Variants in RBFOX1 observed in about 807,000 individuals in gnomAD.
RBFOX1 encodes RNA binding fox-1 homolog 1.
A neutral mutation model predicts 57.7 loss-of-function variants in RBFOX1; 8 were observed. The ratio of observed to expected loss-of-function variants is 0.14; its 90% CI spans 0.08 to 0.25. The LOEUF is 0.25. RBFOX1 is among the 10% of genes least tolerant of loss of function. The pLI is 1.00. For missense variants in RBFOX1, 611 were observed against 548.5 expected, an observed-to-expected ratio of 1.11 and a Z score of -1.14; for synonymous variants, 326 against 222.4, an observed-to-expected ratio of 1.47 and a Z score of -4.15.
At chr16:7,276,178 C>G (rs1027706539) in intron 4 of RBFOX1, among the ~76,000 whole-genome samples, 1 of 152,206 alleles carries the variant, frequency 6.6e-6, no homozygotes, top group South Asian at 2.1e-4. Context: ...AGGACCATGC[C>G]AAGTCTGAAG....
chr16:7,652,056 A>T (rs1324873138), intron 11 of RBFOX1, among the ~76,000 whole-genome samples: 1 of 151,960 alleles, frequency 6.6e-6, no homozygotes. Context: ...AGTGTTGGTT[A>T]TCAGGGGACA....
intron 3 of RBFOX1, among the ~76,000 whole-genome samples, chr16:6,972,183 A>G (rs2085716609): frequency 6.7e-6 from 1 of 150,132 alleles, no homozygotes; most frequent in South Asian, 2.2e-4. Flanking sequence ...TTGTTGTGAT[A>G]GAGATCACGA....
chr16:7,222,160 C>G (rs1011027069), intron 4 of RBFOX1, among the ~76,000 whole-genome samples: 1 of 151,110 alleles, frequency 6.6e-6, no homozygotes, highest in South Asian at 2.1e-4. Context: ...AAAGCCCAGC[C>G]TGAAGTAAGA....
chr16:7,144,997 C>T (rs1307853538), intron 4 of RBFOX1, among the ~76,000 whole-genome samples: 1 of 152,080 alleles, frequency 6.6e-6, no homozygotes, highest in Non-Finnish European at 1.5e-5. Flanking sequence ...TGAAACAGGT[C>T]AGCTGACGTT....
intron 14 of RBFOX1, among the ~76,000 whole-genome samples, chr16:7,703,439 T>TCA (rs1289346412): frequency 2.0e-5 from 3 of 150,574 alleles, no homozygotes; most frequent in Non-Finnish European, 4.4e-5. Flanking sequence ...TCCACAGGAT[T>TCA]CACCCAGCTA....
At chr16:6,116,768 C>G (rs57295958) in intron 1 of RBFOX1, among the ~76,000 whole-genome samples, 32 of 152,186 alleles carry the variant, frequency 2.1e-4, no homozygotes, top group African/African-American at 7.5e-4. Flanking sequence ...AAACAGAACT[C>G]CCGTGAATAA....
chr16:6,301,072 G>A lies in RBFOX1; in HGVS notation c.-126-15923G>A, dbSNP rs186880640. 4.0e-4 allele frequency among the ~76,000 whole-genome samples: 60 copies of A among 151,742 alleles called. No individual in the cohort carries two copies. In the East Asian group the frequency reaches 0.011, roughly 27 times the overall value. ...GAAAAACATTTATTTCCTATGAGTT[G>A]TCATTGAAAAAAAAATCCTTGAGGA... On this transcript the variant is annotated intron_variant, in intron 1 of 15. Transcript: ENST00000550418.
chr16:6,509,125 C>G (rs374642944), intron 2 of RBFOX1, among the ~76,000 whole-genome samples: 2 of 152,124 alleles, frequency 1.3e-5, no homozygotes, highest in Admixed American at 6.5e-5. Flanking sequence ...GTTGTGCTTT[C>G]TTTTGTCTTA....
chr16:5,933,115 A>G (rs934418068), intron 4 of RBFOX1, among the ~76,000 whole-genome samples: 1 of 152,214 alleles, frequency 6.6e-6, no homozygotes, highest in African/African-American at 2.4e-5. Context: ...CTTCTTCTTC[A>G]AATGGAAACT....
At chr16:6,378,666 C>T (rs1215022205) in intron 2 of RBFOX1, among the ~76,000 whole-genome samples, 2 of 152,180 alleles carry the variant, frequency 1.3e-5, no homozygotes, top group Non-Finnish European at 2.9e-5. Flanking sequence ...TCCCAGAGCT[C>T]ATCTCAAATG....
intron 4 of RBFOX1, among the ~76,000 whole-genome samples, chr16:7,056,639 G>C (rs528301811): frequency 6.6e-6 from 1 of 152,298 alleles, no homozygotes; most frequent in Non-Finnish European, 1.5e-5. Context: ...GAGGGAGATT[G>C]TATGTTCATA....
intron 4 of RBFOX1, among the ~76,000 whole-genome samples, chr16:5,973,791 G>C (rs1179225022): frequency 1.3e-5 from 2 of 152,196 alleles, no homozygotes; most frequent in Admixed American, 1.3e-4. Context: ...TTTGGAGCAA[G>C]GACAAGGATC....
chr16:6,798,597 C>G (rs1028826982), intron 3 of RBFOX1, among the ~76,000 whole-genome samples: 14 of 152,202 alleles, frequency 9.2e-5, no homozygotes, highest in Non-Finnish European at 1.6e-4. Context: ...TTCAAAGACA[C>G]ATATATCTGT....
chr16:6,517,544 G>C (rs2096404698), intron 2 of RBFOX1, among the ~76,000 whole-genome samples: 1 of 152,080 alleles, frequency 6.6e-6, no homozygotes, highest in African/African-American at 2.4e-5. Context: ...AAGTGGGAGA[G>C]GATGTGAGGA....
At chr16:6,613,202 C>T (rs1248294957) in intron 2 of RBFOX1, among the ~76,000 whole-genome samples, 3 of 152,094 alleles carry the variant, frequency 2.0e-5, no homozygotes, top group Non-Finnish European at 4.4e-5. Context: ...GCATCAGCTT[C>T]CAAGCAGCTC....
chr16:6,046,720 C>T (rs979233635), intron 1 of RBFOX1, among the ~76,000 whole-genome samples: 1 of 152,088 alleles, frequency 6.6e-6, no homozygotes, highest in South Asian at 2.1e-4. Context: ...GGTAACCTTG[C>T]AGAGATTTCA....
At chr16:5,425,490 G>A (rs926942561) in intron 1 of RBFOX1, among the ~76,000 whole-genome samples, 1 of 152,182 alleles carries the variant, frequency 6.6e-6, no homozygotes, top group Admixed American at 6.5e-5. Context: ...CTCTTGGTAA[G>A]TTGATGACCT....
intron 3 of RBFOX1, among the ~76,000 whole-genome samples, chr16:5,662,318 G>A (rs1195847574): frequency 6.6e-6 from 1 of 151,940 alleles, no homozygotes; most frequent in Non-Finnish European, 1.5e-5. Flanking sequence ...TTGTGTGAAC[G>A]CTCTCTCTCC....
intron 4 of RBFOX1, among the ~76,000 whole-genome samples, chr16:7,148,211 A>T (rs530213724): frequency 1.3e-5 from 2 of 152,352 alleles, no homozygotes; most frequent in South Asian, 2.1e-4. Context: ...TAGATCAACA[A>T]TTAAGATGAA....
Sources: allele counts gnomAD v4.1 joint callset (sites outside exome capture counted in the v4.1 genomes callset), GRCh38; gene constraint gnomAD v4.1.1; transcripts MANE v1.5; gene names NCBI Gene and HGNC (gene_info 2026-07-23, HGNC 2026-07-21).